The following CDH17 variants were observed in gnomAD, a reference collection of about 807,000 sequenced individuals.
CDH17 encodes the protein cadherin-17.
Under a neutral mutation model 86.3 loss-of-function variants are expected in CDH17, and 67 were observed. The observed-to-expected ratio is 0.78, with a 90% CI of 0.64 to 0.95. The LOEUF (loss-of-function observed/expected upper bound fraction) is 0.95, where lower values mean the gene tolerates loss of function less well. Among genes scored for constraint, CDH17 ranks in the 40% least tolerant of loss-of-function variants. The pLI, the probability that CDH17 is intolerant of heterozygous loss-of-function variation, is 0.00. For synonymous variants in CDH17, 367 were observed against 366.4 expected, an observed-to-expected ratio of 1.00 and a Z score of -0.02; for missense variants, 993 against 1,017.6, an observed-to-expected ratio of 0.98 and a Z score of 0.33.
At chr8:94,174,647 A>G (rs1813336857) in intron 5 of CDH17, among the ~76,000 whole-genome samples, 1 of 152,212 alleles carries the variant, frequency 6.6e-6, no homozygotes, top group Admixed American at 6.5e-5. Flanking sequence ...TGGGTATAGT[A>G]CTAAAGAATG....
chr8:94,179,055 A>T (rs1813426439), intron 3 of CDH17, among the ~76,000 whole-genome samples: 1 of 151,514 alleles, frequency 6.6e-6, no homozygotes, highest in Admixed American at 6.6e-5. Flanking sequence ...TTAAAAAAAA[A>T]AAAAAAAACT....
At chr8:94,137,317 C>T (rs1812548950) in intron 15 of CDH17, among the ~76,000 whole-genome samples, 1 of 152,162 alleles carries the variant, frequency 6.6e-6, no homozygotes, top group Non-Finnish European at 1.5e-5. Flanking sequence ...AGCTTCCCAG[C>T]CGCTTTACCT....
At chr8:94,156,249 C>A (rs977319710) in intron 12 of CDH17, among the ~76,000 whole-genome samples, 1 of 152,222 alleles carries the variant, frequency 6.6e-6, no homozygotes, top group African/African-American at 2.4e-5. Flanking sequence ...GGGATATTTA[C>A]AATTTTCACT....
rs1371511046 is a variant in CDH17 at position 94,131,715 on chromosome 8, C to G, written c.2168-723G>C. Among the ~76,000 whole-genome samples, 5 of 152,030 alleles carry G rather than the reference C, an allele frequency of 3.3e-5. 1 individual carries two copies. The highest frequency in any genetic ancestry group is 3.4e-3 in the Middle Eastern group (1 of 294). On this transcript the variant is annotated intron_variant, in intron 15 of 17. Transcript: ENST00000027335. ...TTTTAATACTTTGTGCACATGTACC[C>G]TAGAACTTAATGTGCAGGTTTGATA...
chr8:94,207,953 T>A (rs1172730372), intron 1 of CDH17, among the ~76,000 whole-genome samples: 2 of 152,228 alleles, frequency 1.3e-5, no homozygotes, highest in African/African-American at 2.4e-5. Context: ...CAATTCTTAT[T>A]CTAGTACTTT....
At chr8:94,184,456 A>G (rs1455800583) in intron 3 of CDH17, among the ~76,000 whole-genome samples, 1 of 152,248 alleles carries the variant, frequency 6.6e-6, no homozygotes, top group East Asian at 1.9e-4. Flanking sequence ...ACTATGGTAC[A>G]TAAAAGAAGT....
intron 1 of CDH17, among the ~76,000 whole-genome samples, chr8:94,201,212 G>A (rs1196828718): frequency 1.3e-5 from 2 of 152,114 alleles, no homozygotes; most frequent in Non-Finnish European, 2.9e-5. Flanking sequence ...TACTGCAAAT[G>A]TATCTCTGTG....
chr8:94,170,059 C>T (rs1394377951), intron 9 of CDH17, among the ~76,000 whole-genome samples: 4 of 151,972 alleles, frequency 2.6e-5, no homozygotes, highest in South Asian at 2.1e-4. Context: ...AGTCAAATAA[C>T]GTATGGGGAA....
chr8:94,205,338 T>C (rs1356316390), intron 1 of CDH17, among the ~76,000 whole-genome samples: 1 of 152,214 alleles, frequency 6.6e-6, no homozygotes, highest in African/African-American at 2.4e-5. Flanking sequence ...AGTTTACGGA[T>C]GAGCATTTTG....
rs535156459 is a variant in CDH17, at chr8:94,146,044, C to T, written c.2051G>A (p.Gly684Glu). 4 of 1,613,822 alleles carry T rather than the reference C, an allele frequency of 2.5e-6. No homozygotes were observed. The South Asian group carries it at 3.3e-5, about 13-fold the overall frequency. ...ATCAGTAGCCTCGAAAATGAGACTTCCAGGTGCACTGAGGGGATGGCAGAA... is the reference window on the plus strand; with the variant it reads ...ATCAGTAGCCTCGAAAATGAGACTTTCAGGTGCACTGAGGGGATGGCAGAA... Reference protein sequence around the residue: ...LFFCHPLSAPGSLIFEATDDD... With the variant: ...LFFCHPLSAPESLIFEATDDD... The change falls in exon 15 of 18, where the codon GGA (glycine) becomes GAA (glutamate). Residue 684 changes from glycine (G) to glutamate (E), a missense_variant. Transcript: ENST00000027335.
chr8:94,155,681 G>A (rs1812932958), intron 12 of CDH17, among the ~76,000 whole-genome samples: 1 of 152,190 alleles, frequency 6.6e-6, no homozygotes, highest in African/African-American at 2.4e-5. Context: ...ACGGCGAGCT[G>A]AGGAGTTGGA....
chr8:94,191,987 G>A (rs1259076006), intron 2 of CDH17, among the ~76,000 whole-genome samples: 2 of 152,186 alleles, frequency 1.3e-5, no homozygotes, highest in African/African-American at 4.8e-5. Flanking sequence ...TGGAGCTGCT[G>A]CTTATCAGCT....
At chr8:94,150,353 G>A (rs562974961) in intron 13 of CDH17, among the ~76,000 whole-genome samples, 2 of 152,302 alleles carry the variant, frequency 1.3e-5, no homozygotes, top group East Asian at 3.9e-4. Flanking sequence ...GTGCCTTGGA[G>A]CAGGCTGGAA....
At chr8:94,174,754 C>T (rs533032871) in intron 5 of CDH17, among the ~76,000 whole-genome samples, 31 of 152,238 alleles carry the variant, frequency 2.0e-4, no homozygotes, top group South Asian at 1.7e-3. Context: ...ACCAAACTAG[C>T]ACATGGCAAG....
intron 5 of CDH17, among the ~76,000 whole-genome samples, chr8:94,174,661 A>T (rs530625375): frequency 6.6e-5 from 10 of 152,334 alleles, no homozygotes; most frequent in African/African-American, 2.4e-4. Flanking sequence ...AAGAATGTCC[A>T]GTTATCTGAA....
intron 3 of CDH17, among the ~76,000 whole-genome samples, chr8:94,184,040 TA>T (rs567593599): frequency 0.036 from 4,921 of 138,218 alleles, 213 homozygotes; most frequent in African/African-American, 0.11. Context: ...TAGCTATAAT[TA>T]AAAAAAAAAA....
chr8:94,135,241 C>G (rs1168421182), intron 15 of CDH17, among the ~76,000 whole-genome samples: 1 of 152,100 alleles, frequency 6.6e-6, no homozygotes, highest in Admixed American at 6.5e-5. Context: ...ATTGATATGT[C>G]TAATATTGAC....
At chr8:94,205,173 C>A (rs1417354123) in intron 1 of CDH17, among the ~76,000 whole-genome samples, 1 of 152,060 alleles carries the variant, frequency 6.6e-6, no homozygotes, top group Non-Finnish European at 1.5e-5. Flanking sequence ...AGGGGGAGAC[C>A]CTTTCTCCCC....
At chr8:94,134,757 G>A (rs1458008463) in intron 15 of CDH17, among the ~76,000 whole-genome samples, 2 of 152,128 alleles carry the variant, frequency 1.3e-5, no homozygotes, top group African/African-American at 4.8e-5. Context: ...ATGTTAGGGT[G>A]TCAATTTTAG....
Sources: gnomAD v4.1 joint callset for allele counts (sites outside exome capture counted in the v4.1 genomes callset) on GRCh38, gnomAD v4.1.1 for gene constraint, MANE v1.5 for transcripts, NCBI Gene and HGNC (gene_info 2026-07-23, HGNC 2026-07-21) for gene names.